AFF2: variants seen among roughly 807,000 people sequenced by gnomAD.
The protein encoded by AFF2 is AF4/FMR2 family member 2.
AFF2 carries 14 observed loss-of-function variants against 76.9 expected under a neutral mutation model. The ratio of observed to expected loss-of-function variants is 0.18; its 90% confidence interval spans 0.12 to 0.28. AFF2 has a LOEUF of 0.28. AFF2 is among the 10% of genes least tolerant of loss of function. AFF2 has a pLI of 1.00. For synonymous variants in AFF2, 398 were observed against 366.7 expected (o/e 1.09, Z -0.98); for missense variants, 868 against 1,001.1 (o/e 0.87, Z 1.79).
intron 8 of AFF2, among the ~76,000 whole-genome samples, chrX:148,889,135 G>C (rs1279818489): frequency 9.0e-6 from 1 of 111,588 alleles, no homozygotes; most frequent in Non-Finnish European, 1.9e-5. Flanking sequence ...TATAATGTGG[G>C]CTTAGAGCAT....
At chrX:148,547,109 G>C (rs2052930218) in intron 1 of AFF2, 1 of 111,586 alleles carries the variant, frequency 9.0e-6, no homozygotes, top group Non-Finnish European at 1.9e-5. Context: ...GAACATGACG[G>C]GAATTCAAAG....
intron 2 of AFF2, among the ~76,000 whole-genome samples, chrX:148,652,848 T>A (rs1557256568): frequency 8.9e-6 from 1 of 111,972 alleles, no homozygotes; most frequent in Non-Finnish European, 1.9e-5. Context: ...GATGGAAGAA[T>A]CTTATTGAAT....
chrX:148,835,133 A>C, intron 4 of AFF2, among the ~76,000 whole-genome samples: 1 of 111,771 alleles, frequency 8.9e-6, no homozygotes, highest in Middle Eastern at 4.6e-3. Flanking sequence ...GGGAAAAGGT[A>C]CACTTTTGAG....
intron 3 of AFF2, chrX:148,718,999 G>C: frequency 1.1e-6 from 1 of 875,014 alleles, no homozygotes; most frequent in South Asian, 3.8e-5. Flanking sequence ...TTTAAATTGA[G>C]ATGATGTCAT....
At chrX:148,983,968 A>AAAAAAAAAAAAAAAAAAAAATGCC (rs1431816827) in intron 19 of AFF2, among the ~76,000 whole-genome samples, 1 of 103,450 alleles carries the variant, frequency 9.7e-6, no homozygotes. Context: ...AAAAAAAAAA[A>AAAAAAAAAAAAAAAAAAAAATGCC]CTGCCCTCAT....
At chrX:148,836,915 G>C (rs1557273862) in intron 4 of AFF2, among the ~76,000 whole-genome samples, 1 of 111,923 alleles carries the variant, frequency 8.9e-6, no homozygotes, top group African/African-American at 3.3e-5. Context: ...GTGTGGAACC[G>C]AGCTACCAAT....
rs782246991 is a variant in AFF2, at chrX:148,804,754, G to A, written c.1042-5122G>A. Among the ~76,000 whole-genome samples, 31 of 112,246 alleles carry A rather than the reference G, an allele frequency of 2.8e-4. 1 individual carries two copies. Among genetic ancestry groups the A allele is most frequent in the Admixed American group, 2.4e-3 (26 of 10,646 alleles). On this transcript the variant is annotated intron_variant, in intron 3 of 20. Transcript: ENST00000370460. The stretch of plus-strand genomic sequence containing the variant: ...TGTTTTGATTAAAGTTATATTACCC[G>A]AGGACTTCTGTCTACAGCTTATGCA...
chrX:148,844,308 G>A (rs1393589841), intron 7 of AFF2, among the ~76,000 whole-genome samples: 2 of 111,485 alleles, frequency 1.8e-5, no homozygotes, highest in South Asian at 3.8e-4. Context: ...ACAAACAAGG[G>A]CATCCAGGAA....
chrX:148,837,433 A>G (rs782598256), intron 4 of AFF2, among the ~76,000 whole-genome samples: 14 of 111,649 alleles, frequency 1.3e-4, no homozygotes, highest in Non-Finnish European at 2.3e-4. Flanking sequence ...TGCTGTCTCA[A>G]CATGGAGCAG....
rs1354662535 is a variant in AFF2, at chrX:148,684,241, A to C, written c.1041+21473A>C. On this transcript the variant is annotated intron_variant, in intron 3 of 20. Transcript: ENST00000370460. ...TTAAGAATAGATTATTATTGTCATA[A>C]ACTAATTAATGCATATTATTGGCCC... is the stretch of plus-strand genomic sequence containing the variant. 1.8e-5 allele frequency among the ~76,000 whole-genome samples: 2 copies of C among 112,230 alleles called. 1 individual carries two copies. Among genetic ancestry groups the C allele is most frequent in the Non-Finnish European group, 3.8e-5 (2 of 53,233 alleles).
At chrX:148,898,628 G>A (rs1260096889) in intron 8 of AFF2, among the ~76,000 whole-genome samples, 1 of 111,890 alleles carries the variant, frequency 8.9e-6, no homozygotes, top group Non-Finnish European at 1.9e-5. Flanking sequence ...TTCAGTTGCA[G>A]GATGAATTGA....
intron 1 of AFF2, among the ~76,000 whole-genome samples, chrX:148,641,348 G>T (rs1307024020): frequency 2.7e-5 from 3 of 111,657 alleles, no homozygotes; most frequent in African/African-American, 9.8e-5. Flanking sequence ...CAGATACATG[G>T]GAAGCAGAAA....
rs781948801 is a variant in AFF2 at position 148,953,703 on chromosome X, C to T, written c.1521C>T (p.Ser507=). ...DSDTESSTTD[S]ESNEAPRVAT... is the part of the protein sequence containing the mutation. ...ACACTGAAAGTAGCACCACTGACAGCGAATCTAATGAGGCACCTCGTGTGG... is the reference window on the plus strand; with the variant it reads ...ACACTGAAAGTAGCACCACTGACAGTGAATCTAATGAGGCACCTCGTGTGG... Residue 507 remains serine (S), a synonymous_variant, in exon 10 of 21, where the codon AGC becomes AGT. Coordinates refer to ENST00000370460, the MANE Select transcript of AFF2 (RefSeq NM_002025.4). The T allele has an allele frequency of 2.1e-4, 256 of 1,207,796 alleles. No individual in the cohort carries two copies. The highest frequency in any genetic ancestry group is 2.8e-4 in the Non-Finnish European group (248 of 894,516).
intron 10 of AFF2, among the ~76,000 whole-genome samples, chrX:148,954,141 T>G (rs1244588303): frequency 8.9e-6 from 1 of 112,488 alleles, no homozygotes; most frequent in Non-Finnish European, 1.9e-5. Flanking sequence ...GAATTGCCAC[T>G]TGGCAAGTAA....
intron 1 of AFF2, among the ~76,000 whole-genome samples, chrX:148,598,530 C>T (rs1375849630): frequency 8.9e-6 from 1 of 112,531 alleles, no homozygotes. Flanking sequence ...TTCTCCTATC[C>T]TTGCCTGCAC....
chrX:148,622,300 A>C (rs2053877350), intron 1 of AFF2, among the ~76,000 whole-genome samples: 1 of 111,969 alleles, frequency 8.9e-6, no homozygotes, highest in Non-Finnish European at 1.9e-5. Flanking sequence ...AGGGATTGAC[A>C]CACAAAATTG....
At chrX:148,523,827 T>C (rs1447437096) in intron 1 of AFF2, among the ~76,000 whole-genome samples, 1 of 111,908 alleles carries the variant, frequency 8.9e-6, no homozygotes, top group African/African-American at 3.2e-5. Flanking sequence ...ATCCAGTTCC[T>C]CCAGATTGAG....
rs781936872 is a variant in AFF2, at chrX:148,536,210, CA to C, written c.47+35080del. Among the ~76,000 whole-genome samples the C allele has an allele frequency of 5.7e-3, 503 of 88,251 alleles. 2 individuals carry two copies. The highest frequency in any genetic ancestry group is 6.6e-3 in the Non-Finnish European group (292 of 43,961). The allele number at this position is 88,251 out of a possible 115,157, so 76.6% of individuals were successfully genotyped here. A position where few individuals can be genotyped will look rare whatever the true frequency, so the allele number is the denominator to read the frequency against. ...TGGTGACAAGAGCAAGACTCTGTCT[CA>C]AAAAAAAAAAAAAGAATTCGACCAT... On this transcript the variant is annotated intron_variant, in intron 1 of 20. Transcript: ENST00000370460.
At chrX:148,581,445 T>C (rs201815357) in intron 1 of AFF2, among the ~76,000 whole-genome samples, 21 of 25,285 alleles carry the variant, frequency 8.3e-4, no homozygotes, top group African/African-American at 1.9e-3. Flanking sequence ...CACACATATA[T>C]ACGTATACGT....
Sources: allele counts gnomAD v4.1 joint callset (sites outside exome capture counted in the v4.1 genomes callset), GRCh38; gene constraint gnomAD v4.1.1; transcripts MANE v1.5; gene names NCBI Gene and HGNC (gene_info 2026-07-23, HGNC 2026-07-21).